Variants in EPGN observed in about 807,000 individuals in gnomAD.
EPGN encodes the protein epigen.
EPGN carries 21 observed loss-of-function variants against 20.7 expected under a neutral mutation model. The ratio of observed to expected loss-of-function variants is 1.01; its 90% CI spans 0.72 to 1.46. EPGN has a LOEUF of 1.46. EPGN is among the 40% of genes most tolerant of loss of function. The pLI, the probability that EPGN is intolerant of heterozygous loss-of-function variation, is 0.00. For missense variants in EPGN, 199 were observed against 180.7 expected (o/e 1.10, Z -0.58); for synonymous variants, 69 against 63.8 (o/e 1.08, Z -0.39).
chr4:74,314,675 G>A lies in EPGN; in HGVS notation c.*38G>A. ...GAATTTTCATCAAGGCATCTGTAGA[G>A]ATCAGTGAGCCCAAAATTAAAGTTT... On this transcript the variant is annotated 3_prime_UTR_variant, in exon 5 of 5. Coordinates refer to ENST00000413830, the MANE Select transcript of EPGN (RefSeq NM_001270989.2). 1 of 1,519,414 alleles carries A rather than the reference G, an allele frequency of 6.6e-7. No homozygotes were observed. Among genetic ancestry groups the A allele is most frequent in the Non-Finnish European group, 8.8e-7 (1 of 1,135,488 alleles). The allele number at this position is 1,519,414 out of a possible 1,614,324, so 94.1% of individuals were successfully genotyped here. A position where few individuals can be genotyped will look rare whatever the true frequency, so the allele number is the denominator to read the frequency against.
In EPGN at chr4:74,314,854, A is replaced by G; in HGVS notation, c.*217A>G. The G allele has an allele frequency of 1.8e-6, 1 of 554,982 alleles. No individual in the cohort carries two copies. Among genetic ancestry groups the G allele is most frequent in the Non-Finnish European group, 3.2e-6 (1 of 314,694 alleles). 34.4% of individuals were successfully genotyped at this position (554,982 alleles called of 1,614,324 possible). ...AGCCAAGTGAACAAGCCTCAGTGAC[A>G]CAAGTCAAATTCATAGTTTCACTCT... On this transcript the variant is annotated 3_prime_UTR_variant, in exon 5 of 5. Transcript: ENST00000413830.
chr4:74,310,263 A>C (rs1750830126), intron 2 of EPGN, among the ~76,000 whole-genome samples: 1 of 151,950 alleles, frequency 6.6e-6, no homozygotes. Flanking sequence ...GGAGTTTGAG[A>C]CCAGCCTGGG....
chr4:74,308,684 G>C, intron 1 of EPGN, 108 bp downstream of exon 1: 1 of 868,076 alleles, frequency 1.2e-6, no homozygotes, highest in East Asian at 2.5e-5. Context: ...TGTTCTTTAT[G>C]ACAAAGATCA....
rs138441680 is a variant in EPGN, at chr4:74,309,072, G to T, written c.44-21G>T. ...TAGAAGGAGGCTCTCTGTTAAAGAT[G>T]CTTTTGCCCCCTTAATACAGCAATG... On this transcript the variant is annotated intron_variant, in intron 1 of 4. Coordinates refer to ENST00000413830, the MANE Select transcript of EPGN (RefSeq NM_001270989.2). 7.8e-3 allele frequency: 12,478 copies of T among 1,591,638 alleles called. 101 individuals are homozygous for T. Among genetic ancestry groups the T allele is most frequent in the Middle Eastern group, 0.043 (260 of 6,018 alleles).
chr4:74,315,168 T>G lies in EPGN; in HGVS notation c.*531T>G, dbSNP rs1751213883. On this transcript the variant is annotated 3_prime_UTR_variant, in exon 5 of 5. Coordinates refer to ENST00000413830, the MANE Select transcript of EPGN (RefSeq NM_001270989.2). ...AGAATGAAATCAGTGTTAAGGTACC[T>G]CCAGTGAACCAAACATGTGTCTTAA... The G allele has an allele frequency of 6.5e-6, 1 of 154,112 alleles. No individual in the cohort carries two copies. Among genetic ancestry groups the G allele is most frequent in the African/African-American group, 2.4e-5 (1 of 41,454 alleles). The allele number at this position is 154,112 out of a possible 1,614,324, so 9.5% of individuals were successfully genotyped here. A position where few individuals can be genotyped will look rare whatever the true frequency, so the allele number is the denominator to read the frequency against.
Position 74,314,862 on chromosome 4 carries a change from A to G in EPGN, c.*225A>G, listed in dbSNP as rs1301899846. The G allele has an allele frequency of 1.8e-6, 1 of 546,480 alleles. No individual in the cohort carries two copies. The highest frequency in any genetic ancestry group is 3.2e-6 in the Non-Finnish European group (1 of 309,528). The allele number at this position is 546,480 out of a possible 1,614,324, so 33.9% of individuals were successfully genotyped here. ...GAACAAGCCTCAGTGACACAAGTCA[A>G]ATTCATAGTTTCACTCTGGGTTTTT... On this transcript the variant is annotated 3_prime_UTR_variant, in exon 5 of 5. Coordinates refer to ENST00000413830, the MANE Select transcript of EPGN (RefSeq NM_001270989.2).
intron 4 of EPGN, chr4:74,314,274 T>G: frequency 9.9e-6 from 5 of 504,306 alleles, no homozygotes; most frequent in South Asian, 8.9e-5. Context: ...CCCAAGGAGA[T>G]GAGGCATCTG....
At chr4:74,311,285 A>T (rs1750930868) in intron 2 of EPGN, among the ~76,000 whole-genome samples, 1 of 151,378 alleles carries the variant, frequency 6.6e-6, no homozygotes, top group African/African-American at 2.5e-5. Flanking sequence ...ACTGCCTGAG[A>T]ATTAATTATT....
intron 4 of EPGN, chr4:74,313,982 A>G: frequency 2.9e-6 from 1 of 345,586 alleles, no homozygotes; most frequent in Non-Finnish European, 5.6e-6. Context: ...CCAAAAATAT[A>G]ATAATAATAA....
rs111667469 is a variant in EPGN at position 74,309,194 on chromosome 4, C to T, written c.133+12C>T. The T allele has an allele frequency of 5.1e-4, 822 of 1,607,344 alleles. 3 individuals carry two copies. In the African/African-American group the frequency reaches 9.1e-3, roughly 18 times the overall value. ...TAACAAAACAGAAGGTATTTTCTTCCCATTTTCATATTTCACAAGACTTTT... is the reference window on the plus strand; with the variant it reads ...TAACAAAACAGAAGGTATTTTCTTCTCATTTTCATATTTCACAAGACTTTT... On this transcript the variant is annotated intron_variant, in intron 2 of 4. Transcript: ENST00000413830.
chr4:74,314,662 A>C lies in EPGN; in HGVS notation c.*25A>C. ...AGGCCTTTGTGAAGAATTTTCATCA[A>C]GGCATCTGTAGAGATCAGTGAGCCC... is the stretch of plus-strand genomic sequence containing the variant. On this transcript the variant is annotated 3_prime_UTR_variant, in exon 5 of 5. Coordinates refer to ENST00000413830, the MANE Select transcript of EPGN (RefSeq NM_001270989.2). 6.5e-7 allele frequency: 1 copy of C among 1,534,376 alleles called. No individual in the cohort carries two copies. Among genetic ancestry groups the C allele is most frequent in the Non-Finnish European group, 8.7e-7 (1 of 1,145,534 alleles).
intron 2 of EPGN, 78 bp from the exon 3 acceptor site, chr4:74,312,107 T>C (rs1195960974): frequency 2.7e-6 from 4 of 1,465,336 alleles, no homozygotes; most frequent in Non-Finnish European, 3.6e-6. Context: ...AATTAAAAAT[T>C]TATTTACATA....
At chr4:74,314,551 T>G (rs1042747104) in intron 4 of EPGN, 29 bp from the exon 5 acceptor site, 9 of 1,534,994 alleles carry the variant, frequency 5.9e-6, no homozygotes, top group Non-Finnish European at 7.0e-6. Flanking sequence ...CACAGTCAAA[T>G]TCATATGGAA....
At position 74,313,153 on chromosome 4, in the gene EPGN, C is replaced by T. The variant is rs754331060; in HGVS notation, c.390C>T (p.Tyr130=). 1 of 1,610,728 alleles carries T rather than the reference C, an allele frequency of 6.2e-7. No individual in the cohort carries two copies. The highest frequency in any genetic ancestry group is 8.5e-7 in the Non-Finnish European group (1 of 1,179,154). The change falls in exon 4 of 5, where the codon TAC becomes TAT. Residue 130 remains tyrosine (Y), a synonymous_variant. Coordinates refer to ENST00000413830, the MANE Select transcript of EPGN (RefSeq NM_001270989.2). ...LLLSGFLVIF[Y]CYIRKRCLKL... ...TAAGTGGTTTTCTTGTTATTTTTTA[C>T]TGCTATATAAGAAAGAGGTATGAAA...
chr4:74,313,481 T>C, intron 4 of EPGN: 1 of 1,214,670 alleles, frequency 8.2e-7, no homozygotes, highest in Non-Finnish European at 1.0e-6. Flanking sequence ...GGACTAAGTA[T>C]GTCTTGTTCA....
At chr4:74,312,743 C>T (rs1404104635) in intron 3 of EPGN, among the ~76,000 whole-genome samples, 2 of 152,138 alleles carry the variant, frequency 1.3e-5, no homozygotes, top group African/African-American at 4.8e-5. Flanking sequence ...GCTCAGTATT[C>T]GCCTATGGAA....
chr4:74,309,681 T>A (rs546571857), intron 2 of EPGN, among the ~76,000 whole-genome samples: 166 of 152,308 alleles, frequency 1.1e-3, no homozygotes, highest in Middle Eastern at 3.4e-3. Flanking sequence ...CCTAACCACT[T>A]GTACCCAATT....
At chr4:74,313,615 C>T (rs1223313924) in intron 4 of EPGN, 2 of 999,472 alleles carry the variant, frequency 2.0e-6, no homozygotes, top group African/African-American at 3.5e-5. Flanking sequence ...CAAACATTGG[C>T]CATTTCTTCC....
At chr4:74,314,390 C>A in intron 4 of EPGN, 190 bp from the exon 5 acceptor site, 1 of 620,122 alleles carries the variant, frequency 1.6e-6, no homozygotes, top group South Asian at 1.9e-5. Context: ...TGGCTATGGG[C>A]AGACCTTGGG....
Sources: gnomAD v4.1 joint callset for allele counts (sites outside exome capture counted in the v4.1 genomes callset) on GRCh38, gnomAD v4.1.1 for gene constraint, MANE v1.5 for transcripts, NCBI Gene and HGNC (gene_info 2026-07-23, HGNC 2026-07-21) for gene names.